Variants in FRMD3 observed in about 807,000 individuals in gnomAD.
FRMD3 encodes the protein FERM domain-containing protein 3.
In FRMD3, 33 loss-of-function variants were observed where a neutral mutation model predicts 70.2. That is an observed-to-expected ratio of 0.47 (90% CI 0.36 to 0.63). FRMD3 has a LOEUF of 0.63. Ranked by LOEUF, FRMD3 falls within the 20% of genes least tolerant of loss-of-function variation. The pLI is 0.00. For missense variants in FRMD3, 632 were observed against 711.4 expected, an observed-to-expected ratio of 0.89 and a Z score of 1.27; for synonymous variants, 279 against 255.9, an observed-to-expected ratio of 1.09 and a Z score of -0.86.
chr9:83,445,557 T>G (rs1282182083), intron 1 of FRMD3, among the ~76,000 whole-genome samples: 1 of 152,214 alleles, frequency 6.6e-6, no homozygotes, highest in East Asian at 1.9e-4. Flanking sequence ...CTTTCTCCTA[T>G]TCTTAGGAGT....
intron 5 of FRMD3, among the ~76,000 whole-genome samples, chr9:83,336,290 G>T (rs1389821486): frequency 2.0e-5 from 3 of 152,046 alleles, no homozygotes; most frequent in Non-Finnish European, 2.9e-5. Flanking sequence ...ACATCAGGTT[G>T]TATACCATAA....
chr9:83,509,737 A>C (rs1176876227), intron 1 of FRMD3, among the ~76,000 whole-genome samples: 1 of 152,170 alleles, frequency 6.6e-6, no homozygotes, highest in East Asian at 1.9e-4. Context: ...CTGCATGTGA[A>C]TCTACAATTA....
chr9:83,248,041 G>A lies in FRMD3; in HGVS notation c.1671C>T (p.Ser557=). ...LLLLESGIDL[S]FLCEIRQTPE... ...GTGTCTGGCGGATTTCGCATAAGAAGGAGAGATCAATACCTGACTCCAAAA... is the reference window on the plus strand; with the variant it reads ...GTGTCTGGCGGATTTCGCATAAGAAAGAGAGATCAATACCTGACTCCAAAA... The change falls in exon 14 of 14, where the codon TCC becomes TCT. Residue 557 remains serine, a synonymous_variant. Coordinates refer to ENST00000304195, the MANE Select transcript of FRMD3 (RefSeq NM_174938.6). 2 of 1,614,160 alleles carry A rather than the reference G, an allele frequency of 1.2e-6. No individual in the cohort carries two copies. The highest frequency in any genetic ancestry group is 1.7e-6 in the Non-Finnish European group (2 of 1,180,034).
intron 1 of FRMD3, among the ~76,000 whole-genome samples, chr9:83,419,564 T>C (rs1474342882): frequency 6.6e-6 from 1 of 151,536 alleles, no homozygotes; most frequent in Non-Finnish European, 1.5e-5. Flanking sequence ...TGTGTTCACG[T>C]GTGTTGAATG....
intron 3 of FRMD3, among the ~76,000 whole-genome samples, chr9:83,355,496 T>C (rs992149936): frequency 6.6e-6 from 1 of 152,168 alleles, no homozygotes; most frequent in African/African-American, 2.4e-5. Flanking sequence ...CCCCAGAGGA[T>C]GAGCCCCTGA....
chr9:83,358,233 T>C (rs1824467594), intron 3 of FRMD3, among the ~76,000 whole-genome samples: 1 of 152,222 alleles, frequency 6.6e-6, no homozygotes, highest in Admixed American at 6.5e-5. Context: ...TGTTGATCAG[T>C]TGGCTGTAAG....
chr9:83,486,667 G>T (rs1399507255), intron 1 of FRMD3, among the ~76,000 whole-genome samples: 4 of 152,076 alleles, frequency 2.6e-5, no homozygotes, highest in African/African-American at 9.7e-5. Flanking sequence ...ATTGACAAGG[G>T]GGACCTAATT....
rs760136820 is a variant in FRMD3 at position 83,298,800 on chromosome 9, C to A, written c.1018G>T (p.Glu340Ter). The A allele has an allele frequency of 1.6e-5, 26 of 1,614,246 alleles. No individual in the cohort carries two copies. Among genetic ancestry groups the A allele is most frequent in the Non-Finnish European group, 2.2e-5 (26 of 1,180,040 alleles). Residue 340 changes from glutamate (E) to a stop codon, truncating the protein, a stop_gained, in exon 12 of 14, where the codon GAG becomes TAG. Transcript: ENST00000304195. LOFTEE classifies it high-confidence loss of function. The stretch of plus-strand genomic sequence containing the variant: ...ATCTTGGAACTGGCCTCCACCACCT[C>A]TTTGGCAACTTTCCCACTGCAAAAG... ...RFRYSGKVAK[E>*]VVEASSKIQR...
At chr9:83,566,306 A>G in the FRMD3 span, among the ~76,000 whole-genome samples, 2 of 152,190 alleles carry the variant, frequency 1.3e-5, no homozygotes, top group African/African-American at 2.4e-5. Flanking sequence ...ACCAATGCCC[A>G]TGGTTCAATT....
chr9:83,332,393 T>C (rs1823412241), intron 6 of FRMD3, among the ~76,000 whole-genome samples: 1 of 151,934 alleles, frequency 6.6e-6, no homozygotes, highest in South Asian at 2.1e-4. Flanking sequence ...TCTCTCTCTC[T>C]CTCTCCCCCC....
At chr9:83,399,362 T>A (rs1177098599) in intron 1 of FRMD3, among the ~76,000 whole-genome samples, 1 of 152,192 alleles carries the variant, frequency 6.6e-6, no homozygotes, top group East Asian at 1.9e-4. Flanking sequence ...CTGTTCCTAG[T>A]CATTCGGTCA....
intron 1 of FRMD3, among the ~76,000 whole-genome samples, chr9:83,421,647 TATA>T (rs951268827): frequency 2.0e-5 from 3 of 152,172 alleles, no homozygotes; most frequent in African/African-American, 7.2e-5. Flanking sequence ...TATTTTCCCT[TATA>T]ATAACTGATG....
intron 6 of FRMD3, among the ~76,000 whole-genome samples, chr9:83,316,722 G>C (rs909839531): frequency 6.6e-6 from 1 of 152,084 alleles, no homozygotes; most frequent in South Asian, 2.1e-4. Flanking sequence ...TCAAGACACA[G>C]TCATTATAAT....
chr9:83,508,996 C>G (rs1009480092), intron 1 of FRMD3, among the ~76,000 whole-genome samples: 1 of 144,194 alleles, frequency 6.9e-6, no homozygotes, highest in African/African-American at 2.5e-5. Context: ...CCCCCAATGC[C>G]TTTCCTTCCC....
intron 1 of FRMD3, among the ~76,000 whole-genome samples, chr9:83,507,691 C>CATACAT (rs1829223139): frequency 2.0e-5 from 1 of 49,236 alleles, no homozygotes; most frequent in Non-Finnish European, 3.5e-5. Flanking sequence ...AATATACATA[C>CATACAT]ATATATATAT....
chr9:83,306,032 G>GT (rs1383975935), intron 10 of FRMD3, among the ~76,000 whole-genome samples: 2 of 152,076 alleles, frequency 1.3e-5, no homozygotes, highest in Non-Finnish European at 2.9e-5. Flanking sequence ...CATATTGCAG[G>GT]TTTTTTCTCT....
chr9:83,442,968 T>C (rs1460611109), intron 1 of FRMD3, among the ~76,000 whole-genome samples: 1 of 152,232 alleles, frequency 6.6e-6, no homozygotes, highest in African/African-American at 2.4e-5. Context: ...AAACTTTTCA[T>C]TAATCTATGG....
the FRMD3 span, among the ~76,000 whole-genome samples, chr9:83,572,679 T>C: frequency 1.2e-3 from 185 of 152,178 alleles, 1 homozygote; most frequent in African/African-American, 4.2e-3. Flanking sequence ...GAGACAGGCA[T>C]GTGTGGCTGT....
chr9:83,351,074 C>A, intron 3 of FRMD3: 1 of 632,132 alleles, frequency 1.6e-6, no homozygotes, highest in African/African-American at 2.0e-5. Flanking sequence ...GAAACAACAT[C>A]CTATTTTACC....
Sources: allele counts gnomAD v4.1 joint callset (sites outside exome capture counted in the v4.1 genomes callset), GRCh38; gene constraint gnomAD v4.1.1; transcripts MANE v1.5; gene names NCBI Gene and HGNC (gene_info 2026-07-23, HGNC 2026-07-21).